The following CAST variants were observed in gnomAD, a reference collection of about 807,000 sequenced individuals.
CAST encodes the protein MIR583 host.
In CAST, 76 loss-of-function variants were observed where a neutral mutation model predicts 119.6. The observed-to-expected ratio is 0.64, with a 90% CI of 0.53 to 0.77. CAST has a LOEUF of 0.77. Ranked by LOEUF, CAST falls within the 30% of genes least tolerant of loss-of-function variation. CAST has a pLI of 0.00. For missense variants in CAST, 953 were observed against 946.5 expected (o/e 1.01, Z -0.09); for synonymous variants, 319 against 331.6 (o/e 0.96, Z 0.41).
intron 18 of CAST, 140 bp from the exon 19 acceptor site, chr5:96,748,377 AT>A (rs1764225417): frequency 2.3e-6 from 1 of 433,918 alleles, no homozygotes; most frequent in East Asian, 3.5e-5. Flanking sequence ...AAATGAAAAA[AT>A]ATGCCCTTTA....
chr5:96,495,617 A>G, the CAST span, among the ~76,000 whole-genome samples: 1 of 152,088 alleles, frequency 6.6e-6, no homozygotes, highest in African/African-American at 2.4e-5. Context: ...TTATGGCTGC[A>G]TAGTATTCCA....
the CAST span, among the ~76,000 whole-genome samples, chr5:96,242,835 G>C: frequency 6.6e-6 from 1 of 152,136 alleles, no homozygotes; most frequent in African/African-American, 2.4e-5. Flanking sequence ...GTCAAAAATA[G>C]CTGGTGACTG....
intron 1 of CAST, among the ~76,000 whole-genome samples, chr5:96,550,123 C>T (rs537499003): frequency 5.9e-5 from 9 of 152,340 alleles, no homozygotes; most frequent in Middle Eastern, 6.8e-3. Flanking sequence ...CCCTGACCCC[C>T]GTGTAGCCTG....
intron 3 of CAST, among the ~76,000 whole-genome samples, chr5:96,699,083 G>A (rs752272722): frequency 6.6e-6 from 1 of 152,202 alleles, no homozygotes; most frequent in Admixed American, 6.5e-5. Flanking sequence ...AATAATTAGT[G>A]TAAAATATTT....
the CAST span, among the ~76,000 whole-genome samples, chr5:96,412,752 G>GTCTT: frequency 1.4e-5 from 1 of 71,832 alleles, no homozygotes; most frequent in Non-Finnish European, 2.2e-5. Context: ...CAGCTGTGAT[G>GTCTT]TTTTTTTTTT....
chr5:96,738,500 C>G (rs1352539675), intron 11 of CAST, among the ~76,000 whole-genome samples: 1 of 152,064 alleles, frequency 6.6e-6, no homozygotes, highest in Non-Finnish European at 1.5e-5. Context: ...GGGACACGGT[C>G]CACTGGGTCA....
At chr5:96,269,357 A>G in the CAST span, among the ~76,000 whole-genome samples, 1 of 152,202 alleles carries the variant, frequency 6.6e-6, no homozygotes, top group Non-Finnish European at 1.5e-5. Flanking sequence ...CTACAATACA[A>G]TAAAAGTAGG....
At chr5:96,082,619 G>A in the CAST span, among the ~76,000 whole-genome samples, 9 of 152,148 alleles carry the variant, frequency 5.9e-5, no homozygotes, top group African/African-American at 2.2e-4. Flanking sequence ...GAAAAGCAGA[G>A]TGTTCTCTGC....
chr5:96,729,075 A>C, intron 6 of CAST, 78 bp from the exon 7 acceptor site: 1 of 923,086 alleles, frequency 1.1e-6, no homozygotes, highest in Non-Finnish European at 1.7e-6. Context: ...TTTAGTTGGA[A>C]TTTTGTTCTT....
the CAST span, among the ~76,000 whole-genome samples, chr5:96,460,238 G>A: frequency 2.9e-4 from 44 of 152,156 alleles, no homozygotes; most frequent in African/African-American, 9.9e-4. Flanking sequence ...ACTATTATGA[G>A]AGTCACAAAA....
the CAST span, among the ~76,000 whole-genome samples, chr5:96,134,505 G>A: frequency 4.6e-5 from 7 of 152,174 alleles, no homozygotes; most frequent in Non-Finnish European, 7.3e-5. Context: ...CCTTTAGGGC[G>A]ACCCAAGGGA....
chr5:96,168,198 T>G, the CAST span, among the ~76,000 whole-genome samples: 1 of 152,074 alleles, frequency 6.6e-6, no homozygotes, highest in African/African-American at 2.4e-5. Context: ...AAAACTGCCA[T>G]GAGGGATAGA....
At chr5:96,397,243 T>C in the CAST span, 2 of 1,091,120 alleles carry the variant, frequency 1.8e-6, no homozygotes, top group South Asian at 2.6e-5. Context: ...TACAATTCTT[T>C]AGGGCCCTAA....
intron 3 of CAST, among the ~76,000 whole-genome samples, chr5:96,700,573 G>C (rs1228995678): frequency 6.6e-6 from 1 of 152,156 alleles, no homozygotes; most frequent in African/African-American, 2.4e-5. Context: ...ATGTGCTGCT[G>C]CTGCTTTGGC....
the CAST span, chr5:96,395,093 G>T: frequency 8.3e-7 from 1 of 1,206,262 alleles, no homozygotes. Context: ...ATTCAAAATA[G>T]CTAAAAAGGA....
the CAST span, among the ~76,000 whole-genome samples, chr5:96,508,157 G>C: frequency 1.3e-5 from 2 of 151,976 alleles, no homozygotes; most frequent in African/African-American, 4.8e-5. Context: ...CATTACACCT[G>C]GTGTGTTTTT....
chr5:96,130,449 G>GAAAA, the CAST span, among the ~76,000 whole-genome samples: 1 of 144,354 alleles, frequency 6.9e-6, no homozygotes. Context: ...AGGACATTAG[G>GAAAA]AAAAAAAAAA....
chr5:96,086,236 A>T, the CAST span, among the ~76,000 whole-genome samples: 1 of 152,118 alleles, frequency 6.6e-6, no homozygotes, highest in Admixed American at 6.6e-5. Context: ...CTGTAGTTGG[A>T]TGAATCCCAG....
At chr5:96,187,185 C>A in the CAST span, among the ~76,000 whole-genome samples, 1 of 152,064 alleles carries the variant, frequency 6.6e-6, no homozygotes, top group African/African-American at 2.4e-5. Flanking sequence ...TCTGTGGGAT[C>A]AGTGGTGATA....
Sources: allele counts gnomAD v4.1 joint callset (sites outside exome capture counted in the v4.1 genomes callset), GRCh38; gene constraint gnomAD v4.1.1; transcripts MANE v1.5; gene names NCBI Gene and HGNC (gene_info 2026-07-23, HGNC 2026-07-21).